PSPC1: variants seen among roughly 807,000 people sequenced by gnomAD.
PSPC1 encodes paraspeckle component 1.
Under a neutral mutation model 51.6 loss-of-function variants are expected in PSPC1, and 14 were observed. The ratio of observed to expected loss-of-function variants is 0.27; its 90% CI spans 0.18 to 0.42. The LOEUF (loss-of-function observed/expected upper bound fraction) is 0.42, where lower values mean the gene tolerates loss of function less well. Ranked by LOEUF, PSPC1 falls within the 10% of genes least tolerant of loss-of-function variation. PSPC1 has a pLI of 1.00. For missense variants in PSPC1, 406 were observed against 701.1 expected (o/e 0.58, Z 4.75); for synonymous variants, 193 against 231.9 (o/e 0.83, Z 1.53).
intron 6 of PSPC1, among the ~76,000 whole-genome samples, chr13:19,688,909 C>A (rs557261928): frequency 3.0e-4 from 45 of 150,648 alleles, no homozygotes; most frequent in Non-Finnish European, 5.9e-4. Context: ...GACACATTCA[C>A]ATTAAATTAG....
chr13:19,749,584 C>T (rs1274835040), intron 4 of PSPC1, among the ~76,000 whole-genome samples: 1 of 150,612 alleles, frequency 6.6e-6, no homozygotes, highest in African/African-American at 2.4e-5. Flanking sequence ...GATTCAGTAC[C>T]TTTATCTCAA....
In PSPC1 at chr13:19,703,131, C is replaced by G; in HGVS notation, c.*44G>C. ...TAACAGGTAAAAGTATAAAGGCATA[C>G]CACTGACTTTTTTTTTTCTAGATAG... is the stretch of plus-strand genomic sequence containing the variant. On this transcript the variant is annotated 3_prime_UTR_variant, in exon 9 of 9. Coordinates refer to ENST00000338910, the MANE Select transcript of PSPC1 (RefSeq NM_001354909.2). The G allele has an allele frequency of 6.3e-7, 1 of 1,585,944 alleles. No individual in the cohort carries two copies. Among genetic ancestry groups the G allele is most frequent in the South Asian group, 1.1e-5 (1 of 89,704 alleles).
chr13:19,778,930 G>T (rs1481949662), intron 1 of PSPC1, among the ~76,000 whole-genome samples: 1 of 132,702 alleles, frequency 7.5e-6, no homozygotes, highest in East Asian at 2.5e-4. Context: ...AGTGAGGAGC[G>T]CCTCTTCCCA....
chr13:19,749,978 A>G (rs1886371362), intron 4 of PSPC1, among the ~76,000 whole-genome samples: 1 of 152,172 alleles, frequency 6.6e-6, no homozygotes, highest in Admixed American at 6.6e-5. Flanking sequence ...TTACTCAATG[A>G]CTTCATCATA....
At chr13:19,692,273 G>A (rs1397406603) in intron 6 of PSPC1, among the ~76,000 whole-genome samples, 3 of 152,054 alleles carry the variant, frequency 2.0e-5, no homozygotes, top group African/African-American at 7.2e-5. Flanking sequence ...ACAGGTTTGC[G>A]TCACCATGCC....
At chr13:19,721,782 T>G (rs1882797739) in intron 6 of PSPC1, among the ~76,000 whole-genome samples, 1 of 152,200 alleles carries the variant, frequency 6.6e-6, no homozygotes, top group Admixed American at 6.5e-5. Flanking sequence ...TCTAATACTC[T>G]GAAGTAAAAA....
chr13:19,729,354 T>C (rs536671167), intron 6 of PSPC1, among the ~76,000 whole-genome samples: 11 of 152,036 alleles, frequency 7.2e-5, no homozygotes, highest in African/African-American at 2.2e-4. Flanking sequence ...CTGGCCAATA[T>C]AGTGAAACCC....
intron 5 of PSPC1, among the ~76,000 whole-genome samples, chr13:19,737,579 T>C (rs1884978606): frequency 7.4e-6 from 1 of 134,534 alleles, no homozygotes; most frequent in Non-Finnish European, 1.6e-5. Flanking sequence ...GTTATGGTGG[T>C]GTCTACTGGG....
exon 7 of PSPC1, chr13:19,677,808 A>G (rs1256711877): frequency 2.0e-6 from 1 of 490,902 alleles, no homozygotes; most frequent in African/African-American, 1.9e-5. Flanking sequence ...CTTCAGCCAC[A>G]TTTTCTTTTA....
intron 1 of PSPC1, among the ~76,000 whole-genome samples, chr13:19,780,098 C>A (rs1889762032): frequency 9.6e-6 from 1 of 104,548 alleles, no homozygotes; most frequent in Non-Finnish European, 2.1e-5. Flanking sequence ...AAGTGAGGAG[C>A]CCCTCTGCCC....
intron 1 of PSPC1, among the ~76,000 whole-genome samples, chr13:19,779,505 TG>T (rs1389017960): frequency 4.1e-5 from 1 of 24,258 alleles, no homozygotes; most frequent in Non-Finnish European, 8.1e-5. Flanking sequence ...GGGAGGGAGA[TG>T]GGGGGGTCAG....
At chr13:19,712,388 T>G (rs1167584560) in intron 6 of PSPC1, among the ~76,000 whole-genome samples, 1 of 152,178 alleles carries the variant, frequency 6.6e-6, no homozygotes, top group Non-Finnish European at 1.5e-5. Context: ...AAAAAGGGCA[T>G]AAACAATCTT....
intron 6 of PSPC1, among the ~76,000 whole-genome samples, chr13:19,680,283 G>A (rs1877126668): frequency 6.6e-6 from 1 of 152,150 alleles, no homozygotes. Context: ...CCAAAGTGCT[G>A]GGATTATAGG....
chr13:19,712,128 A>G (rs1402781914), intron 6 of PSPC1, among the ~76,000 whole-genome samples: 1 of 152,224 alleles, frequency 6.6e-6, no homozygotes, highest in African/African-American at 2.4e-5. Context: ...TTCGTTGTTC[A>G]GAAGCTGGTT....
chr13:19,731,313 T>C (rs1263748380), intron 5 of PSPC1, among the ~76,000 whole-genome samples: 3 of 152,226 alleles, frequency 2.0e-5, no homozygotes, highest in Non-Finnish European at 4.4e-5. Flanking sequence ...TTTAAACCAA[T>C]GCAAATTCAA....
At chr13:19,779,006 A>AGCGCCTCT (rs1446878720) in intron 1 of PSPC1, among the ~76,000 whole-genome samples, 2 of 137,964 alleles carry the variant, frequency 1.4e-5, no homozygotes, top group Admixed American at 1.5e-4. Context: ...AGATGTGGGG[A>AGCGCCTCT]GCGCCTCTGC....
At chr13:19,750,044 A>C (rs1051783668) in intron 4 of PSPC1, among the ~76,000 whole-genome samples, 17 of 152,198 alleles carry the variant, frequency 1.1e-4, no homozygotes, top group African/African-American at 3.6e-4. Flanking sequence ...AACACACATA[A>C]CAAAAAAACC....
At chr13:19,745,946 G>A (rs547028085) in intron 4 of PSPC1, among the ~76,000 whole-genome samples, 1 of 150,580 alleles carries the variant, frequency 6.6e-6, no homozygotes, top group East Asian at 2.0e-4. Context: ...TCACTTATGT[G>A]ATGTTTATCC....
At chr13:19,713,583 G>A (rs1881723077) in intron 6 of PSPC1, among the ~76,000 whole-genome samples, 1 of 138,654 alleles carries the variant, frequency 7.2e-6, no homozygotes, top group Non-Finnish European at 1.5e-5. Flanking sequence ...AACAGTCGAA[G>A]CCTAACAAAA....
Sources: gnomAD v4.1 joint callset for allele counts (sites outside exome capture counted in the v4.1 genomes callset) on GRCh38, gnomAD v4.1.1 for gene constraint, MANE v1.5 for transcripts, NCBI Gene and HGNC (gene_info 2026-07-23, HGNC 2026-07-21) for gene names.